Variants in HMX1 observed in about 807,000 individuals in gnomAD.
HMX1 encodes the protein H6 family homeobox 1, also known as homeobox protein HMX1.
In HMX1, 8 loss-of-function variants were observed where a neutral mutation model predicts 8.9. The observed-to-expected ratio is 0.90, with a 90% CI of 0.53 to 1.63. The LOEUF is 1.63. HMX1 is among the 40% of genes most tolerant of loss of function. The pLI is 0.00. For missense variants in HMX1, 621 were observed against 558.5 expected, an observed-to-expected ratio of 1.11 and a Z score of -1.13; for synonymous variants, 311 against 283.4, an observed-to-expected ratio of 1.10 and a Z score of -0.98.
chr4:8,869,412 C>T lies in HMX1; in HGVS notation c.395-1067G>A, dbSNP rs148254834. Among the ~76,000 whole-genome samples the T allele has an allele frequency of 9.3e-3, 1,419 of 152,336 alleles. 13 individuals are homozygous for T. The highest frequency in any genetic ancestry group is 0.015 in the Non-Finnish European group (1,046 of 68,016). On this transcript the variant is annotated intron_variant, in intron 1 of 1. Coordinates refer to ENST00000400677, the MANE Select transcript of HMX1 (RefSeq NM_018942.3). ...GAGCCTCCCGTGCAAAGGGCAGGCCCAGGTTGACAGGTTAGAGGTGGAGGC... is the reference window on the plus strand; with the variant it reads ...GAGCCTCCCGTGCAAAGGGCAGGCCTAGGTTGACAGGTTAGAGGTGGAGGC...
chr4:8,858,843 G>A (rs1039865490), intron 1 of HMX1: 2 of 152,386 alleles, frequency 1.3e-5, no homozygotes, highest in Non-Finnish European at 2.9e-5. Context: ...GGGACACTGG[G>A]GTGGGCGAGC....
At chr4:8,864,862 G>A (rs771459683), downstream of HMX1, among the ~76,000 whole-genome samples, 3 of 152,210 alleles carry the variant, frequency 2.0e-5, no homozygotes, top group Non-Finnish European at 2.9e-5. Flanking sequence ...GCCCTGAGTC[G>A]AGGCCCATAA....
chr4:8,855,575 G>C (rs1157561594), intron 1 of HMX1, among the ~76,000 whole-genome samples: 1 of 152,114 alleles, frequency 6.6e-6, no homozygotes, highest in Non-Finnish European at 1.5e-5. Flanking sequence ...CAAGAGTTCT[G>C]GCAGAGGTCC....
At chr4:8,860,817 G>C (rs929072450) in intron 1 of HMX1, 1 of 152,458 alleles carries the variant, frequency 6.6e-6, no homozygotes, top group Non-Finnish European at 1.5e-5. Context: ...GAGACCGGAC[G>C]GCTCCACTGT....
chr4:8,867,374 GTGGCCATGGCCGACC>G lies in HMX1; in HGVS notation c.*304_*318del, dbSNP rs1722034764. The G allele has an allele frequency of 9.6e-7, 1 of 1,041,170 alleles. No individual in the cohort carries two copies. 64.5% of individuals were successfully genotyped at this position (1,041,170 alleles called of 1,614,324 possible). On this transcript the variant is annotated 3_prime_UTR_variant, in exon 2 of 2. Transcript: ENST00000400677. ...CTTGGCCTGAGGGCAGCTGCCCCGG[GTGGCCATGGCCGACC>G]GCTCCTCGCTGAGGCCGGGGGGTGG...
At chr4:8,851,385 C>T (rs1721444539) in intron 1 of HMX1, among the ~76,000 whole-genome samples, 1 of 152,182 alleles carries the variant, frequency 6.6e-6, no homozygotes, top group African/African-American at 2.4e-5. Context: ...GGCATTCTCA[C>T]AGCTTCCCTC....
At position 8,847,932 on chromosome 4, in the gene HMX1, C is replaced by G. The variant is rs897243234; in HGVS notation, c.395-1608G>C. Among the ~76,000 whole-genome samples, 2 of 152,160 alleles carry G rather than the reference C, an allele frequency of 1.3e-5. No homozygotes were observed. The highest frequency in any genetic ancestry group is 1.3e-4 in the Admixed American group (2 of 15,276). On this transcript the variant is annotated intron_variant, in intron 1 of 1. Coordinates refer to the HMX1 transcript ENST00000506970. The surrounding 1 kb of genome is among the most constrained non-coding windows in gnomAD (Gnocchi z 6.0). ...CTGGAATCAACGAGCCCCCTATACT[C>G]CAGGCTTTACGGTAACTGGAACAGG...
intron 1 of HMX1, among the ~76,000 whole-genome samples, chr4:8,852,906 G>GAAT (rs1408329926): frequency 1.3e-5 from 2 of 151,838 alleles, no homozygotes; most frequent in Non-Finnish European, 1.5e-5. Context: ...CCTTATTCCT[G>GAAT]AATAAAACAG....
downstream of HMX1, among the ~76,000 whole-genome samples, chr4:8,862,131 G>A (rs10046941): frequency 0.028 from 4,259 of 152,368 alleles, 197 homozygotes; most frequent in African/African-American, 0.098. Context: ...GAGAAGGGGC[G>A]GAGGCCGGGA....
At chr4:8,855,225 C>T (rs1251639273) in intron 1 of HMX1, among the ~76,000 whole-genome samples, 4 of 152,254 alleles carry the variant, frequency 2.6e-5, no homozygotes, top group Non-Finnish European at 5.9e-5. Context: ...GACCTGGATT[C>T]AAGCTGCAGC....
At position 8,867,274 on chromosome 4, in the gene HMX1, TTGGGGGCAGTCTG is replaced by T. The variant is rs1438595927; in HGVS notation, c.*406_*418del. 4 of 986,732 alleles carry T rather than the reference TTGGGGGCAGTCTG, an allele frequency of 4.1e-6. No individual in the cohort carries two copies. Among genetic ancestry groups the T allele is most frequent in the Non-Finnish European group, 4.8e-6 (4 of 830,956 alleles). The allele number at this position is 986,732 out of a possible 1,614,324, so 61.1% of individuals were successfully genotyped here. A position where few individuals can be genotyped will look rare whatever the true frequency, so the allele number is the denominator to read the frequency against. ...GGTCCCAGGAAAGGGACGTTTAGTG[TTGGGGGCAGTCTG>T]TGGGGACAGTCACCGCTCAGCCTTG... On this transcript the variant is annotated 3_prime_UTR_variant, in exon 2 of 2. Coordinates refer to ENST00000400677, the MANE Select transcript of HMX1 (RefSeq NM_018942.3).
Position 8,871,106 on chromosome 4 carries a change from A to C in HMX1, c.394+115T>G. 1 of 1,127,974 alleles carries C rather than the reference A, an allele frequency of 8.9e-7. No individual in the cohort carries two copies. Among genetic ancestry groups the C allele is most frequent in the Non-Finnish European group, 1.1e-6 (1 of 890,738 alleles). 69.9% of individuals were successfully genotyped at this position (1,127,974 alleles called of 1,614,324 possible). On this transcript the variant is annotated intron_variant, in intron 1 of 1. Coordinates refer to ENST00000400677, the MANE Select transcript of HMX1 (RefSeq NM_018942.3). The surrounding 1 kb of genome is among the most constrained non-coding windows in gnomAD (Gnocchi z 4.8). ...CCACAAGGCCCAGACGCCGTTCCAC[A>C]GAAGGGAGAGGATGGCCCAGAACGG... is the stretch of plus-strand genomic sequence containing the variant.
At position 8,849,510 on chromosome 4, in the gene HMX1, G is replaced by A. The variant is rs904516320; in HGVS notation, c.395-3186C>T. On this transcript the variant is annotated intron_variant, in intron 1 of 1. Transcript: ENST00000506970. This position sits in a 1 kb window ranked among gnomAD's most constrained non-coding sequence, Gnocchi z 6.6. ...TAGAGCCTCTGGAGGGGCACAGCCCGACCGACGCCTGGGGCTCAGACTTGT... is the reference window on the plus strand; with the variant it reads ...TAGAGCCTCTGGAGGGGCACAGCCCAACCGACGCCTGGGGCTCAGACTTGT... 3.9e-5 allele frequency among the ~76,000 whole-genome samples: 6 copies of A among 152,186 alleles called. No individual in the cohort carries two copies. Among genetic ancestry groups the A allele is most frequent in the African/African-American group, 7.2e-5 (3 of 41,540 alleles).
chr4:8,846,250 T>A (rs965571629), exon 2 of HMX1: 1 of 1,534,826 alleles, frequency 6.5e-7, no homozygotes, highest in Non-Finnish European at 8.7e-7. Flanking sequence ...TCACTTCTGT[T>A]CACTTTGTAT....
intron 1 of HMX1, chr4:8,858,650 G>A (rs1207875726): frequency 6.6e-6 from 1 of 152,200 alleles, no homozygotes; most frequent in Non-Finnish European, 1.5e-5. Context: ...CTCGCTTCTG[G>A]CGGCCGGGAG....
intron 1 of HMX1, among the ~76,000 whole-genome samples, chr4:8,850,304 C>T (rs1721405626): frequency 6.6e-6 from 1 of 152,182 alleles, no homozygotes. Flanking sequence ...GTGGGAGTCC[C>T]AGGCACCACC....
Position 8,853,229 on chromosome 4 carries a change from G to A in HMX1, c.395-6905C>T, listed in dbSNP as rs981548135. The stretch of plus-strand genomic sequence containing the variant: ...TCTCACAAACAAATAAATGAGTGAA[G>A]CTGGTAAACCATCCAGGAGGTAGGA... On this transcript the variant is annotated intron_variant, in intron 1 of 1. Transcript: ENST00000506970. The surrounding 1 kb of genome is among the most constrained non-coding windows in gnomAD (Gnocchi z 4.7). 1.3e-5 allele frequency among the ~76,000 whole-genome samples: 2 copies of A among 152,220 alleles called. No homozygotes were observed. The highest frequency in any genetic ancestry group is 2.9e-5 in the Non-Finnish European group (2 of 68,044).
intron 1 of HMX1, among the ~76,000 whole-genome samples, chr4:8,851,474 T>C (rs1386376191): frequency 6.6e-6 from 1 of 152,070 alleles, no homozygotes; most frequent in Non-Finnish European, 1.5e-5. Context: ...TCCTAGGAGG[T>C]CTCATGGTTC....
At position 8,849,383 on chromosome 4, in the gene HMX1, G is replaced by A. The variant is rs778212306; in HGVS notation, c.395-3059C>T. Among the ~76,000 whole-genome samples, 20 of 151,702 alleles carry A rather than the reference G, an allele frequency of 1.3e-4. 1 individual carries two copies. Among genetic ancestry groups the A allele is most frequent in the Non-Finnish European group, 2.1e-4 (14 of 67,988 alleles). On this transcript the variant is annotated intron_variant, in intron 1 of 1. Transcript: ENST00000506970. The surrounding 1 kb of genome is among the most constrained non-coding windows in gnomAD (Gnocchi z 6.6). ...AGACTCACTAGAGGCAGGGCAGCGT[G>A]AAGCCAAGGAGAAGGCGGGCACTCA...
Sources: gnomAD v4.1 joint callset for allele counts (sites outside exome capture counted in the v4.1 genomes callset) on GRCh38, gnomAD v4.1.1 for gene constraint, Gnocchi (gnomAD v3.1) non-coding constraint, MANE v1.5 for transcripts, NCBI Gene and HGNC (gene_info 2026-07-23, HGNC 2026-07-21) for gene names.